The following CHST3 variants were observed in gnomAD, a reference collection of about 807,000 sequenced individuals.
CHST3 encodes the protein carbohydrate sulfotransferase 3.
CHST3 carries 20 observed loss-of-function variants against 35.4 expected under a neutral mutation model. That is an observed-to-expected ratio of 0.57 (90% confidence interval 0.40 to 0.82). The LOEUF (loss-of-function observed/expected upper bound fraction) is 0.82, where lower values mean the gene tolerates loss of function less well. Among genes scored for constraint, CHST3 ranks in the 40% least tolerant of loss-of-function variants. CHST3 has a pLI of 0.00. For missense variants in CHST3, 693 were observed against 670.1 expected (o/e 1.03, Z -0.38); for synonymous variants, 334 against 295.9 (o/e 1.13, Z -1.32).
chr10:71,986,389 T>C (rs964007698), intron 1 of CHST3, among the ~76,000 whole-genome samples: 11 of 152,238 alleles, frequency 7.2e-5, no homozygotes, highest in African/African-American at 1.7e-4. Context: ...ATGATTCTTA[T>C]GCTGTCAGAG....
intron 1 of CHST3, among the ~76,000 whole-genome samples, chr10:72,005,529 T>C (rs1299433117): frequency 6.6e-6 from 1 of 151,836 alleles, no homozygotes; most frequent in Non-Finnish European, 1.5e-5. Flanking sequence ...CTGATGGAGG[T>C]GGGATGGATG....
chr10:71,992,285 C>A (rs1481272278), intron 1 of CHST3, among the ~76,000 whole-genome samples: 1 of 151,962 alleles, frequency 6.6e-6, no homozygotes, highest in African/African-American at 2.4e-5. Flanking sequence ...CTTGGCAATG[C>A]CCCGACCTCA....
At chr10:71,969,029 C>T (rs1436570968) in intron 1 of CHST3, among the ~76,000 whole-genome samples, 1 of 152,148 alleles carries the variant, frequency 6.6e-6, no homozygotes, top group Non-Finnish European at 1.5e-5. Context: ...TCACCTGACA[C>T]CTCCTATTGT....
chr10:72,008,347 TGGTGCAGGCC>T lies in CHST3; in HGVS notation c.1318_1327del (p.Val440ProfsTer75). 6.4e-7 allele frequency: 1 copy of T among 1,569,376 alleles called. No homozygotes were observed. Among genetic ancestry groups the T allele is most frequent in the Admixed American group, 1.9e-5 (1 of 53,332 alleles). ...AGCATGCCCTTCAAGCTGGCCCAGG[TGGTGCAGGCC>T]GCCTGCGGCCCTGCCATGCGCCTCT... is the stretch of plus-strand genomic sequence containing the variant. On this transcript the variant is annotated frameshift_variant, in exon 3 of 3. Coordinates refer to ENST00000373115, the MANE Select transcript of CHST3 (RefSeq NM_004273.5). LOFTEE classifies it high-confidence loss of function.
rs370284531 is a variant in CHST3, at chr10:72,007,535, C to T, written c.504C>T (p.Ile168=). The T allele has an allele frequency of 8.7e-6, 14 of 1,604,868 alleles. No individual in the cohort carries two copies. The highest frequency in any genetic ancestry group is 9.3e-6 in the Non-Finnish European group (11 of 1,179,786). ...IFYLFEPLWH[I]ERTVSFEPGG... is the part of the protein sequence containing the mutation. The stretch of plus-strand genomic sequence containing the variant: ...ACCTCTTCGAGCCGCTGTGGCACAT[C>T]GAGCGCACAGTGTCCTTCGAGCCGG... Residue 168 remains isoleucine (I), a synonymous_variant, in exon 3 of 3, where the codon ATC becomes ATT. Transcript: ENST00000373115.
At chr10:71,985,618 G>C (rs951754520) in intron 1 of CHST3, among the ~76,000 whole-genome samples, 4 of 152,188 alleles carry the variant, frequency 2.6e-5, no homozygotes, top group Non-Finnish European at 5.9e-5. Context: ...AACTTGCAAA[G>C]ATCTCTTGAA....
chr10:71,985,539 CCAA>C (rs759352904), intron 1 of CHST3, among the ~76,000 whole-genome samples: 44 of 152,292 alleles, frequency 2.9e-4, no homozygotes, highest in Non-Finnish European at 5.6e-4. Flanking sequence ...CAGTTTGAAC[CCAA>C]CTAGTTCACT....
intron 1 of CHST3, among the ~76,000 whole-genome samples, chr10:71,996,766 C>T (rs1231653189): frequency 2.0e-5 from 3 of 152,118 alleles, no homozygotes; most frequent in Admixed American, 6.6e-5. Flanking sequence ...AGCCCTGCCA[C>T]GTGCCAGGCA....
intron 1 of CHST3, among the ~76,000 whole-genome samples, chr10:71,970,362 G>A (rs1839680025): frequency 6.6e-6 from 1 of 150,394 alleles, no homozygotes; most frequent in Non-Finnish European, 1.5e-5. Flanking sequence ...AAAGGATTTG[G>A]AGAAAAAGTG....
chr10:71,993,337 A>G (rs1205889536), intron 1 of CHST3, among the ~76,000 whole-genome samples: 1 of 152,218 alleles, frequency 6.6e-6, no homozygotes, highest in Non-Finnish European at 1.5e-5. Flanking sequence ...CAATTCGCTC[A>G]TATCTGCAGG....
At chr10:71,973,496 C>T (rs762572076) in intron 1 of CHST3, among the ~76,000 whole-genome samples, 4 of 152,198 alleles carry the variant, frequency 2.6e-5, no homozygotes, top group Admixed American at 6.5e-5. Context: ...CCCTACTGGC[C>T]GGCTGCCTCC....
intron 1 of CHST3, among the ~76,000 whole-genome samples, chr10:71,998,143 A>C (rs888297555): frequency 1.3e-5 from 2 of 152,156 alleles, no homozygotes; most frequent in Non-Finnish European, 2.9e-5. Context: ...TGTCCCCCCC[A>C]AAAATAAATA....
chr10:71,986,510 C>T (rs1474521801), intron 1 of CHST3, among the ~76,000 whole-genome samples: 1 of 152,218 alleles, frequency 6.6e-6, no homozygotes, highest in Non-Finnish European at 1.5e-5. Context: ...TCAAATACGG[C>T]GCTCCAGGCA....
rs1564529673 is a variant in CHST3, at chr10:71,997,681, A to AT, written c.-107-8055_-107-8054insT. Among the ~76,000 whole-genome samples the AT allele has an allele frequency of 2.4e-5, 3 of 124,182 alleles. No individual in the cohort carries two copies. The South Asian group carries it at 7.6e-4, about 32-fold the overall frequency. The allele number at this position is 124,182 out of a possible 152,430, so 81.5% of individuals were successfully genotyped here. On this transcript the variant is annotated intron_variant, in intron 1 of 2. Transcript: ENST00000373115. ...AATGTAGAGAGACCCTGTCTCCATA[A>AT]ATTTTTTTTTTTTTTTTTTTGAGAC...
chr10:71,975,788 C>T (rs1030207718), intron 1 of CHST3, among the ~76,000 whole-genome samples: 2 of 152,252 alleles, frequency 1.3e-5, no homozygotes, highest in African/African-American at 4.8e-5. Flanking sequence ...AGCTCTCTCC[C>T]GGTGCCGCCC....
intron 1 of CHST3, among the ~76,000 whole-genome samples, chr10:72,005,283 T>TTGTGTGTGTGTGTGTG (rs761296471): frequency 2.0e-5 from 3 of 149,314 alleles, no homozygotes; most frequent in African/African-American, 2.5e-5. Context: ...GTCTGCACCT[T>TTGTGTGTGTGTGTGTG]TGTGTGTGTG....
rs1335431263 is a variant in CHST3, at chr10:71,974,600, T to C, written c.-108+9906T>C. On this transcript the variant is annotated intron_variant, in intron 1 of 2. Transcript: ENST00000373115. ...GGCGGGCCTGGAGGGTAGGGAGGACTGGAGGCTACAGCATACAGCTCACCA... is the reference window on the plus strand; with the variant it reads ...GGCGGGCCTGGAGGGTAGGGAGGACCGGAGGCTACAGCATACAGCTCACCA... 2.0e-5 allele frequency among the ~76,000 whole-genome samples: 3 copies of C among 152,254 alleles called. No homozygotes were observed. The East Asian group carries it at 5.8e-4, about 29-fold the overall frequency.
intron 1 of CHST3, among the ~76,000 whole-genome samples, chr10:71,986,173 T>C (rs1192361166): frequency 1.3e-5 from 2 of 152,182 alleles, no homozygotes; most frequent in Non-Finnish European, 2.9e-5. Context: ...TGATAGCTAG[T>C]GTGTGTGCAG....
At chr10:71,975,198 G>A (rs940042000) in intron 1 of CHST3, among the ~76,000 whole-genome samples, 1 of 152,198 alleles carries the variant, frequency 6.6e-6, no homozygotes, top group Admixed American at 6.5e-5. Flanking sequence ...AGTTCTTTCT[G>A]TACTAAGCAT....
Sources: allele counts gnomAD v4.1 joint callset (sites outside exome capture counted in the v4.1 genomes callset), GRCh38; gene constraint gnomAD v4.1.1; transcripts MANE v1.5; gene names NCBI Gene and HGNC (gene_info 2026-07-23, HGNC 2026-07-21).